The following ADK variants were observed in gnomAD, a reference collection of about 807,000 sequenced individuals.
The protein encoded by ADK is adenosine kinase, also known as N6,N6-dimethyladenosine kinase.
A neutral mutation model predicts 44.7 loss-of-function variants in ADK; 24 were observed. The ratio of observed to expected loss-of-function variants is 0.54; its 90% CI spans 0.39 to 0.76. The LOEUF (loss-of-function observed/expected upper bound fraction) is 0.76. Among genes scored for constraint, ADK ranks in the 30% least tolerant of loss-of-function variants. The probability of loss-of-function intolerance (pLI) is 0.00; values close to 1 mark genes in which losing one functional copy is unlikely to be tolerated. For missense variants in ADK, 321 were observed against 425.1 expected (o/e 0.76, Z 2.15); for synonymous variants, 128 against 142.6 (o/e 0.90, Z 0.73).
chr10:74,282,725 C>T (rs181315665), intron 3 of ADK, among the ~76,000 whole-genome samples: 1 of 152,152 alleles, frequency 6.6e-6, no homozygotes, highest in African/African-American at 2.4e-5. Context: ...TTTCCTTGTT[C>T]CCATCTGAGT....
intron 3 of ADK, among the ~76,000 whole-genome samples, chr10:74,304,243 CT>C (rs952118085): frequency 6.1e-4 from 87 of 143,750 alleles, no homozygotes; most frequent in Admixed American, 1.0e-3. Context: ...TCATTTACTT[CT>C]TTTTTTTTTT....
At chr10:74,424,261 G>A (rs1391073627) in intron 6 of ADK, among the ~76,000 whole-genome samples, 3 of 152,052 alleles carry the variant, frequency 2.0e-5, no homozygotes, top group Non-Finnish European at 4.4e-5. Flanking sequence ...AAATATGGCC[G>A]GGCATGGTGG....
At chr10:74,451,221 T>A (rs988056903) in intron 6 of ADK, among the ~76,000 whole-genome samples, 1 of 151,992 alleles carries the variant, frequency 6.6e-6, no homozygotes, top group African/African-American at 2.4e-5. Context: ...GAGATTTTGC[T>A]GTGAGGAGAG....
chr10:74,161,236 C>T (rs1166809802), intron 1 of ADK, among the ~76,000 whole-genome samples: 1 of 152,190 alleles, frequency 6.6e-6, no homozygotes, highest in East Asian at 1.9e-4. Flanking sequence ...AAGTCTCGCT[C>T]TGCTGCCCAG....
chr10:74,208,686 A>G (rs1291255511), intron 2 of ADK, among the ~76,000 whole-genome samples: 2 of 151,838 alleles, frequency 1.3e-5, no homozygotes, highest in African/African-American at 4.8e-5. Flanking sequence ...CCACCATTAG[A>G]TAAGTATTTA....
At chr10:74,600,027 T>G (rs1340754384) in intron 8 of ADK, among the ~76,000 whole-genome samples, 1 of 152,198 alleles carries the variant, frequency 6.6e-6, no homozygotes, top group African/African-American at 2.4e-5. Context: ...ATAATAGTTT[T>G]GTGGTTATGT....
intron 10 of ADK, among the ~76,000 whole-genome samples, chr10:74,679,555 A>G (rs549020469): frequency 7.4e-4 from 112 of 152,158 alleles, no homozygotes; most frequent in African/African-American, 2.6e-3. Context: ...TTTTTCATAA[A>G]TTCTACAAAA....
At chr10:74,378,368 G>A (rs183956548) in intron 4 of ADK, among the ~76,000 whole-genome samples, 29 of 152,062 alleles carry the variant, frequency 1.9e-4, no homozygotes, top group African/African-American at 6.3e-4. Context: ...ATTTTAGGAT[G>A]TAATTATATA....
intron 3 of ADK, among the ~76,000 whole-genome samples, chr10:74,282,621 G>GCATAGT (rs1441238065): frequency 1.3e-5 from 2 of 152,124 alleles, no homozygotes; most frequent in African/African-American, 4.8e-5. Flanking sequence ...ATAGTAATGA[G>GCATAGT]AATAACCATG....
intron 4 of ADK, among the ~76,000 whole-genome samples, chr10:74,382,235 A>G (rs751061804): frequency 1.3e-5 from 2 of 152,112 alleles, no homozygotes; most frequent in Non-Finnish European, 2.9e-5. Context: ...AGTAGCTAGA[A>G]CTACAGGTGC....
intron 6 of ADK, among the ~76,000 whole-genome samples, chr10:74,464,602 T>C (rs1340733022): frequency 6.6e-6 from 1 of 152,140 alleles, no homozygotes; most frequent in African/African-American, 2.4e-5. Context: ...CATGGAATGA[T>C]GTTGTTTTAT....
intron 3 of ADK, among the ~76,000 whole-genome samples, chr10:74,230,062 T>G (rs1324321668): frequency 1.3e-5 from 2 of 151,240 alleles, no homozygotes; most frequent in Non-Finnish European, 2.9e-5. Context: ...TTTTTTTTTT[T>G]TTGGTAAGAA....
chr10:74,311,639 T>A (rs1840436632), intron 3 of ADK, among the ~76,000 whole-genome samples: 1 of 152,022 alleles, frequency 6.6e-6, no homozygotes, highest in Non-Finnish European at 1.5e-5. Context: ...CTGGAAAAAA[T>A]TGATATAAAG....
intron 1 of ADK, among the ~76,000 whole-genome samples, chr10:74,194,633 C>T (rs1843058487): frequency 6.6e-6 from 1 of 152,188 alleles, no homozygotes; most frequent in African/African-American, 2.4e-5. Flanking sequence ...GTGGCTAAAA[C>T]AATTGCTAAC....
intron 6 of ADK, among the ~76,000 whole-genome samples, chr10:74,458,834 C>T (rs535923084): frequency 1.3e-5 from 2 of 152,062 alleles, no homozygotes; most frequent in South Asian, 4.2e-4. Flanking sequence ...TCTTCCCTTA[C>T]GAGAGAGTTC....
chr10:74,644,210 A>G (rs1055210921), intron 9 of ADK, among the ~76,000 whole-genome samples: 4 of 152,200 alleles, frequency 2.6e-5, no homozygotes, highest in Admixed American at 2.6e-4. Flanking sequence ...AAAGAGCAGG[A>G]ATAACCCTGA....
At chr10:74,452,948 G>A (rs1845824763) in intron 6 of ADK, among the ~76,000 whole-genome samples, 1 of 151,872 alleles carries the variant, frequency 6.6e-6, no homozygotes, top group Admixed American at 6.6e-5. Flanking sequence ...ACTTATATAA[G>A]CTCCACACTT....
intron 4 of ADK, among the ~76,000 whole-genome samples, chr10:74,344,254 A>G (rs1266625648): frequency 6.6e-6 from 1 of 152,178 alleles, no homozygotes; most frequent in Non-Finnish European, 1.5e-5. Context: ...GAGAATTGGT[A>G]TTAATTTTTT....
intron 6 of ADK, among the ~76,000 whole-genome samples, chr10:74,401,172 T>C (rs1843694800): frequency 6.6e-6 from 1 of 152,234 alleles, no homozygotes; most frequent in Non-Finnish European, 1.5e-5. Context: ...ATTATGTTTT[T>C]GAAAACATAA....
Sources: allele counts gnomAD v4.1 joint callset (sites outside exome capture counted in the v4.1 genomes callset), GRCh38; gene constraint gnomAD v4.1.1; transcripts MANE v1.5; gene names NCBI Gene and HGNC (gene_info 2026-07-23, HGNC 2026-07-21).